The following DDX60L variants were observed in gnomAD, a reference collection of about 807,000 sequenced individuals.
The protein encoded by DDX60L is DExD/H-box 60 like.
In DDX60L, 191 loss-of-function variants were observed where a neutral mutation model predicts 211.6. That is an observed-to-expected ratio of 0.90 (90% confidence interval 0.80 to 1.02). The LOEUF (loss-of-function observed/expected upper bound fraction) is 1.02. DDX60L is among the 50% of genes least tolerant of loss of function. DDX60L has a pLI of 0.00. For missense variants in DDX60L, 2,007 were observed against 1,984.1 expected (o/e 1.01, Z -0.22); for synonymous variants, 706 against 694.1 (o/e 1.02, Z -0.27).
chr4:168,427,084 T>C lies in DDX60L; in HGVS notation c.1916A>G (p.His639Arg), dbSNP rs752945932. Residue 639 changes from histidine (H) to arginine (R), a missense_variant, in exon 14 of 38, where the codon CAT becomes CGT. His to Arg is a conservative substitution (Grantham distance 29). Coordinates refer to ENST00000682922, the MANE Select transcript of DDX60L (RefSeq NM_001012967.3). Reference sequence around the variant, plus strand: ...GAGTCCCATACCTTCACCTCGGCAATGTTTTTTCCATGCTTTAAAGCAGGC... The same window carrying C: ...GAGTCCCATACCTTCACCTCGGCAACGTTTTTTCCATGCTTTAAAGCAGGC... ...LIACFKAWKK[H>R]CRGEGKISKD... 8.1e-6 allele frequency: 13 copies of C among 1,604,138 alleles called. No individual in the cohort carries two copies. The highest frequency in any genetic ancestry group is 7.7e-6 in the Non-Finnish European group (9 of 1,174,250).
intron 4 of DDX60L, among the ~76,000 whole-genome samples, chr4:168,468,469 A>G (rs974227646): frequency 6.6e-6 from 1 of 152,122 alleles, no homozygotes; most frequent in African/African-American, 2.4e-5. Flanking sequence ...CTCTCAGAAA[A>G]CCTAAAATAA....
chr4:168,466,433 C>A (rs1408277698), intron 4 of DDX60L, among the ~76,000 whole-genome samples: 2 of 152,126 alleles, frequency 1.3e-5, no homozygotes, highest in East Asian at 3.8e-4. Flanking sequence ...ATGGCTTTCA[C>A]ACATTTTTTA....
Position 168,394,716 on chromosome 4 carries a change from A to C in DDX60L, c.3658-99T>G, listed in dbSNP as rs17612144. On this transcript the variant is annotated intron_variant, in intron 27 of 37. Transcript: ENST00000682922. ...ACATTTTCACAAGCAAATCACTTAC[A>C]TCTTGCACACAGTGAGGCTGCCCTT... The C allele has an allele frequency of 8.1e-6, 9 of 1,116,566 alleles. No individual in the cohort carries two copies. The Admixed American group carries it at 1.3e-4, about 16-fold the overall frequency. 69.2% of individuals were successfully genotyped at this position (1,116,566 alleles called of 1,614,324 possible).
At chr4:168,405,859 AG>A in intron 24 of DDX60L, 90 bp downstream of exon 24, 1 of 1,359,554 alleles carries the variant, frequency 7.4e-7, no homozygotes, top group Non-Finnish European at 9.8e-7. Flanking sequence ...CGGAATAAAA[AG>A]ATTACAAAAC....
rs1752572413 is a variant in DDX60L, at chr4:168,433,010, C to T, written c.1400G>A (p.Ser467Asn). The change falls in exon 11 of 38, where the codon AGT becomes AAT. Residue 467 changes from serine to asparagine, a missense_variant and splice_region_variant. Transcript: ENST00000682922. Reference protein sequence around the residue: ...DMMKDLPILKSDDPVVPSLFK... With the variant: ...DMMKDLPILKNDDPVVPSLFK... ...ATCAGGTACTTCATTAACTCTGTAC[C>T]TCTTTAGAATAGGCAAATCCTTCAT... 2.5e-6 allele frequency: 4 copies of T among 1,596,414 alleles called. No individual in the cohort carries two copies. The highest frequency in any genetic ancestry group is 3.4e-6 in the Non-Finnish European group (4 of 1,168,818).
intron 1 of DDX60L, among the ~76,000 whole-genome samples, chr4:168,478,094 G>A (rs1381144321): frequency 6.6e-6 from 1 of 151,886 alleles, no homozygotes; most frequent in Non-Finnish European, 1.5e-5. Context: ...GAAGGGGAGG[G>A]GAGGGGAGGG....
chr4:168,405,865 C>T, intron 24 of DDX60L, 85 bp downstream of exon 24: 4 of 1,385,384 alleles, frequency 2.9e-6, no homozygotes, highest in Non-Finnish European at 3.8e-6. Flanking sequence ...AAAAAGATTA[C>T]AAAACATTTA....
chr4:168,405,446 C>A (rs1176116391), intron 24 of DDX60L, among the ~76,000 whole-genome samples: 1 of 152,218 alleles, frequency 6.6e-6, no homozygotes, highest in Admixed American at 6.5e-5. Flanking sequence ...TAGCCACCTA[C>A]GAGTCTGTCA....
chr4:168,420,582 G>A (rs1013726263), intron 17 of DDX60L, among the ~76,000 whole-genome samples: 2 of 142,984 alleles, frequency 1.4e-5, no homozygotes, highest in Non-Finnish European at 3.0e-5. Context: ...TATTCTCTTT[G>A]ATCCTCCTTG....
chr4:168,455,416 C>T (rs1197572637), intron 7 of DDX60L, among the ~76,000 whole-genome samples: 2 of 152,026 alleles, frequency 1.3e-5, no homozygotes, highest in African/African-American at 4.8e-5. Flanking sequence ...TCTATAGTCT[C>T]AGTGACACTA....
At chr4:168,432,894 T>G in intron 11 of DDX60L, 116 bp downstream of exon 11, 11 of 590,236 alleles carry the variant, frequency 1.9e-5, no homozygotes. Flanking sequence ...AGTCACATTA[T>G]ATAGAATTTA....
intron 4 of DDX60L, among the ~76,000 whole-genome samples, chr4:168,465,099 A>C (rs749826598): frequency 1.5e-4 from 23 of 151,952 alleles, no homozygotes; most frequent in Non-Finnish European, 2.9e-4. Flanking sequence ...TACTGAATTA[A>C]TTCAAATTCA....
intron 10 of DDX60L, among the ~76,000 whole-genome samples, chr4:168,440,199 T>C (rs1028786671): frequency 1.3e-5 from 2 of 152,140 alleles, no homozygotes; most frequent in African/African-American, 4.8e-5. Context: ...CACTCCAGCC[T>C]GGGCAATAGA....
rs1396052469 is a variant in DDX60L at position 168,379,987 on chromosome 4, TC to T, written c.4117-158del. ...ATTTCATATTATCTCTTTGATTGTA[TC>T]TTCACATGGCACATGCTTCCTTGAA... On this transcript the variant is annotated intron_variant, in intron 30 of 37. Coordinates refer to ENST00000682922, the MANE Select transcript of DDX60L (RefSeq NM_001012967.3). 4 of 518,950 alleles carry T rather than the reference TC, an allele frequency of 7.7e-6. No individual in the cohort carries two copies. In the African/African-American group the frequency reaches 7.8e-5, roughly 10 times the overall value. The allele number at this position is 518,950 out of a possible 1,614,324, so 32.1% of individuals were successfully genotyped here. A position where few individuals can be genotyped will look rare whatever the true frequency, so the allele number is the denominator to read the frequency against.
In DDX60L at chr4:168,446,968, T is replaced by C. The variant is rs1261730393; in HGVS notation, c.1138+1670A>G. Among the ~76,000 whole-genome samples the C allele has an allele frequency of 3.7e-3, 455 of 123,072 alleles. 3 individuals carry two copies. Among genetic ancestry groups the C allele is most frequent in the African/African-American group, 0.013 (432 of 32,916 alleles). 80.7% of individuals were successfully genotyped at this position (123,072 alleles called of 152,430 possible). A position where few individuals can be genotyped will look rare whatever the true frequency, so the allele number is the denominator to read the frequency against. On this transcript the variant is annotated intron_variant, in intron 9 of 37. Coordinates refer to ENST00000682922, the MANE Select transcript of DDX60L (RefSeq NM_001012967.3). ...GGCATTACCATTCAGGACATAGGCA[T>C]GGGCAAGGACTTCATGTCTAAAACA...
intron 1 of DDX60L, among the ~76,000 whole-genome samples, chr4:168,477,393 C>T (rs921860577): frequency 1.3e-5 from 2 of 150,644 alleles, no homozygotes; most frequent in Admixed American, 1.3e-4. Flanking sequence ...CCAGCCTGGG[C>T]GACAGAGCAA....
At chr4:168,449,665 A>AAAAAAAAAAAAAT (rs1755474696) in intron 8 of DDX60L, among the ~76,000 whole-genome samples, 8 of 28,492 alleles carry the variant, frequency 2.8e-4, no homozygotes, top group African/African-American at 4.2e-4. Flanking sequence ...AAAAAAAAAA[A>AAAAAAAAAAAAAT]GAAAAAAGAA....
At chr4:168,450,228 C>T (rs1321558954) in intron 8 of DDX60L, among the ~76,000 whole-genome samples, 5 of 152,074 alleles carry the variant, frequency 3.3e-5, no homozygotes, top group African/African-American at 7.2e-5. Context: ...AGACCTTGCA[C>T]GTGATGGATC....
intron 32 of DDX60L, 24 bp downstream of exon 32, chr4:168,379,339 T>C (rs775212923): frequency 6.7e-7 from 1 of 1,503,496 alleles, no homozygotes; most frequent in South Asian, 1.4e-5. Context: ...ATTTTTCGAC[T>C]ACAGGTATAA....
Sources: gnomAD v4.1 joint callset for allele counts (sites outside exome capture counted in the v4.1 genomes callset) on GRCh38, gnomAD v4.1.1 for gene constraint, MANE v1.5 for transcripts, NCBI Gene and HGNC (gene_info 2026-07-23, HGNC 2026-07-21) for gene names.